The following NAV3 variants were observed in gnomAD, a reference collection of about 807,000 sequenced individuals.
NAV3 encodes pore membrane and/or filament interacting like protein 1.
NAV3 carries 87 observed loss-of-function variants against 244.7 expected under a neutral mutation model. The ratio of observed to expected loss-of-function variants is 0.36; its 90% CI spans 0.30 to 0.42. NAV3 has a LOEUF of 0.42. Ranked by LOEUF, NAV3 falls within the 20% of genes least tolerant of loss-of-function variation. NAV3 has a pLI of 1.00. For missense variants in NAV3, 2,663 were observed against 2,893.3 expected, an observed-to-expected ratio of 0.92 and a Z score of 1.83; for synonymous variants, 1,126 against 1,042.2, an observed-to-expected ratio of 1.08 and a Z score of -1.55.
At chr12:78,164,772 G>C (rs1469575629) in intron 23 of NAV3, among the ~76,000 whole-genome samples, 1 of 152,026 alleles carries the variant, frequency 6.6e-6, no homozygotes, top group African/African-American at 2.4e-5. Flanking sequence ...GAGCTGGGAA[G>C]TGTGAGATTA....
rs142020564 is a variant in NAV3 at position 77,859,442 on chromosome 12, G to A, written c.243+27738G>A. On this transcript the variant is annotated intron_variant, in intron 1 of 39. Coordinates refer to ENST00000397909, the MANE Select transcript of NAV3 (RefSeq NM_001024383.2). ...TATGGCTTTTGGCCTCCAGGGCAAA[G>A]GTTTTATGACAGTAATTTTTTAGGC... Among the ~76,000 whole-genome samples the A allele has an allele frequency of 3.9e-3, 590 of 152,002 alleles. 2 individuals carry two copies. The highest frequency in any genetic ancestry group is 0.013 in the African/African-American group (551 of 41,502).
rs756972734 is a variant in NAV3, at chr12:78,188,594, T to C, written c.5887-15T>C. On this transcript the variant is annotated splice_polypyrimidine_tract_variant and intron_variant, in intron 32 of 39. Transcript: ENST00000397909. ...ACCTCTGTTTTGATTTTATTTTTTG[T>C]GTGTACCATTGTAGGAATATGTATT... 1.2e-6 allele frequency: 2 copies of C among 1,605,248 alleles called. No individual in the cohort carries two copies. Among genetic ancestry groups the C allele is most frequent in the Admixed American group, 1.7e-5 (1 of 59,132 alleles).
At chr12:78,110,052 C>T (rs1249481117) in intron 12 of NAV3, among the ~76,000 whole-genome samples, 1 of 151,966 alleles carries the variant, frequency 6.6e-6, no homozygotes, top group Non-Finnish European at 1.5e-5. Flanking sequence ...ATACTAAAAA[C>T]TCCAGCAAAA....
intron 2 of NAV3, among the ~76,000 whole-genome samples, chr12:77,806,514 C>T (rs1871988716): frequency 6.6e-6 from 1 of 152,158 alleles, no homozygotes; most frequent in Admixed American, 6.5e-5. Flanking sequence ...AATTTGATTG[C>T]ACTGTTGTCT....
intron 2 of NAV3, among the ~76,000 whole-genome samples, chr12:77,696,566 C>T (rs533082875): frequency 6.6e-6 from 1 of 152,184 alleles, no homozygotes; most frequent in South Asian, 2.1e-4. Flanking sequence ...TTCATTTGGG[C>T]CTGGTCTCTT....
intron 2 of NAV3, among the ~76,000 whole-genome samples, chr12:77,670,544 T>C (rs1012774703): frequency 1.3e-5 from 2 of 152,012 alleles, no homozygotes; most frequent in Admixed American, 6.6e-5. Flanking sequence ...CTCAACAAAA[T>C]ACTAGCAAAC....
chr12:77,801,065 C>T (rs1344138562), intron 2 of NAV3, among the ~76,000 whole-genome samples: 1 of 151,968 alleles, frequency 6.6e-6, no homozygotes, highest in African/African-American at 2.4e-5. Flanking sequence ...TTTTCTAATT[C>T]AGATTCTAAT....
At chr12:78,118,475 C>A (rs1301086420) in intron 14 of NAV3, among the ~76,000 whole-genome samples, 178 bp downstream of exon 14, 1 of 152,090 alleles carries the variant, frequency 6.6e-6, no homozygotes, top group Non-Finnish European at 1.5e-5. Flanking sequence ...TCATAGAAGC[C>A]CAAGTAGGGC....
rs546499877 is a variant in NAV3 at position 77,889,291 on chromosome 12, A to G, written c.244-51028A>G. ...TTTACCTGCCTGACTACTTGAGCTG[A>G]GACATCAGTCTTCTGTCCTGGGACT... On this transcript the variant is annotated intron_variant, in intron 1 of 39. Transcript: ENST00000397909. Among the ~76,000 whole-genome samples, 7 of 152,344 alleles carry G rather than the reference A, an allele frequency of 4.6e-5. No homozygotes were observed. The East Asian group carries it at 1.2e-3, about 25-fold the overall frequency.
intron 23 of NAV3, among the ~76,000 whole-genome samples, 194 bp downstream of exon 23, chr12:78,159,480 G>A (rs1406218825): frequency 1.3e-5 from 2 of 151,786 alleles, no homozygotes; most frequent in South Asian, 2.1e-4. Context: ...CCTGGCCAAC[G>A]TGGTAAAATC....
At chr12:77,610,501 G>A (rs754009169) in intron 2 of NAV3, among the ~76,000 whole-genome samples, 1 of 152,050 alleles carries the variant, frequency 6.6e-6, no homozygotes, top group Non-Finnish European at 1.5e-5. Flanking sequence ...AGATGTGTCA[G>A]TTTGTGGAAT....
intron 2 of NAV3, among the ~76,000 whole-genome samples, chr12:77,743,152 A>T (rs2137405548): frequency 6.6e-6 from 1 of 152,146 alleles, no homozygotes; most frequent in East Asian, 1.9e-4. Flanking sequence ...ATAGTACTGT[A>T]AATGTATTTT....
intron 2 of NAV3, among the ~76,000 whole-genome samples, chr12:77,684,086 T>C (rs910889615): frequency 1.3e-5 from 2 of 152,198 alleles, no homozygotes; most frequent in African/African-American, 2.4e-5. Context: ...TGATCTGCAT[T>C]CAGACCTGCA....
intron 2 of NAV3, among the ~76,000 whole-genome samples, chr12:77,807,272 G>C (rs943531729): frequency 2.0e-5 from 3 of 152,096 alleles, no homozygotes; most frequent in Non-Finnish European, 4.4e-5. Context: ...TCATAGTGTC[G>C]ATTGTCTCTA....
At position 77,713,447 on chromosome 12, in the gene NAV3, ACTTTT is replaced by A. The variant is rs1279792658; in HGVS notation, c.72+141185_72+141189del. 6.6e-5 allele frequency among the ~76,000 whole-genome samples: 10 copies of A among 152,282 alleles called. No individual in the cohort carries two copies. In the East Asian group the frequency reaches 1.9e-3, roughly 29 times the overall value. On this transcript the variant is annotated intron_variant, in intron 2 of 8. Transcript: ENST00000550042. ...ACTGTTTGTGACTTACATAATGAATACTTTTCTTATAATGAAACTTGATTTTGATA... is the reference window on the plus strand; with the variant it reads ...ACTGTTTGTGACTTACATAATGAATACTTATAATGAAACTTGATTTTGATA...
chr12:77,575,967 A>G (rs1421379286), intron 2 of NAV3, among the ~76,000 whole-genome samples: 1 of 152,150 alleles, frequency 6.6e-6, no homozygotes. Flanking sequence ...GTGTATGTTT[A>G]GAGGTATTTT....
intron 12 of NAV3, among the ~76,000 whole-genome samples, chr12:78,101,584 T>C (rs75373448): frequency 9.8e-4 from 149 of 152,314 alleles, no homozygotes; most frequent in African/African-American, 3.2e-3. Flanking sequence ...TTTAATGACT[T>C]GTGCTTTTCT....
rs1960917861 is a variant in NAV3, at chr12:78,211,986, A to G, written c.*1469A>G. ...TCCTGTTGGTGTTAAGAGGTGTTTC[A>G]CTTGCTGAGATTTCCTGTACATTGC... On this transcript the variant is annotated 3_prime_UTR_variant, in exon 40 of 40. Transcript: ENST00000397909. 1 of 152,616 alleles carries G rather than the reference A, an allele frequency of 6.6e-6. No individual in the cohort carries two copies. The highest frequency in any genetic ancestry group is 1.5e-5 in the Non-Finnish European group (1 of 68,040). The allele number at this position is 152,616 out of a possible 1,614,324, so 9.5% of individuals were successfully genotyped here.
At chr12:78,053,711 G>T (rs1187525807) in intron 11 of NAV3, among the ~76,000 whole-genome samples, 3 of 152,084 alleles carry the variant, frequency 2.0e-5, no homozygotes, top group Non-Finnish European at 2.9e-5. Context: ...CACTAAATAG[G>T]CCATAGAAGA....
Sources: gnomAD v4.1 joint callset for allele counts (sites outside exome capture counted in the v4.1 genomes callset) on GRCh38, gnomAD v4.1.1 for gene constraint, MANE v1.5 for transcripts, NCBI Gene and HGNC (gene_info 2026-07-23, HGNC 2026-07-21) for gene names.